The following ROBO2 variants were observed in gnomAD, a reference collection of about 807,000 sequenced individuals.
ROBO2 encodes the protein roundabout homolog 2.
ROBO2 carries 53 observed loss-of-function variants against 160.8 expected under a neutral mutation model. The observed-to-expected ratio is 0.33, with a 90% CI of 0.26 to 0.41. ROBO2 has a LOEUF of 0.41. ROBO2 is among the 10% of genes least tolerant of loss of function. The probability of loss-of-function intolerance (pLI) is 1.00; values close to 1 mark genes in which losing one functional copy is unlikely to be tolerated. For missense variants in ROBO2, 1,577 were observed against 1,722.4 expected (o/e 0.92, Z 1.49); for synonymous variants, 664 against 611.7 (o/e 1.09, Z -1.26).
intron 2 of ROBO2, among the ~76,000 whole-genome samples, chr3:76,313,516 G>A (rs1051926057): frequency 1.3e-5 from 2 of 152,136 alleles, no homozygotes; most frequent in African/African-American, 4.8e-5. Context: ...TACACATGAG[G>A]TGGGATGGGG....
chr3:77,587,191 C>A (rs994651955), intron 16 of ROBO2, among the ~76,000 whole-genome samples: 1 of 152,070 alleles, frequency 6.6e-6, no homozygotes, highest in African/African-American at 2.4e-5. Flanking sequence ...AGCTTAACAT[C>A]CTCCAACAGA....
At chr3:76,023,213 G>C (rs644257) in intron 2 of ROBO2, among the ~76,000 whole-genome samples, 118,711 of 151,588 alleles carry the variant, frequency 0.78, 47,102 homozygotes, top group South Asian at 0.9. Flanking sequence ...AGCGACAAGT[G>C]TGTTTTACAT....
chr3:76,581,467 T>G (rs2085694662), intron 2 of ROBO2, among the ~76,000 whole-genome samples: 1 of 151,864 alleles, frequency 6.6e-6, no homozygotes, highest in Admixed American at 6.6e-5. Flanking sequence ...CGAGATGTTG[T>G]CTCTAAACAA....
intron 2 of ROBO2, among the ~76,000 whole-genome samples, chr3:77,330,503 G>A (rs1274886929): frequency 6.6e-6 from 1 of 152,170 alleles, no homozygotes; most frequent in Non-Finnish European, 1.5e-5. Flanking sequence ...GGGCAACAGA[G>A]TGATTTATTT....
chr3:77,093,119 G>A (rs1292936503), intron 1 of ROBO2, among the ~76,000 whole-genome samples: 1 of 151,866 alleles, frequency 6.6e-6, no homozygotes, highest in Non-Finnish European at 1.5e-5. Flanking sequence ...AAAAACTGAT[G>A]TGAGCAGTGC....
intron 1 of ROBO2, among the ~76,000 whole-genome samples, chr3:75,919,207 G>T (rs1003142061): frequency 6.6e-6 from 1 of 152,114 alleles, no homozygotes; most frequent in African/African-American, 2.4e-5. Flanking sequence ...TTTGAGATAT[G>T]TTCCATCAAT....
intron 2 of ROBO2, among the ~76,000 whole-genome samples, chr3:76,883,826 A>G: frequency 6.6e-6 from 1 of 152,208 alleles, no homozygotes; most frequent in East Asian, 1.9e-4. Context: ...CTCTCAATAT[A>G]TCATGAGAGA....
intron 2 of ROBO2, among the ~76,000 whole-genome samples, chr3:75,991,955 G>T (rs550069889): frequency 2.6e-5 from 4 of 152,318 alleles, no homozygotes; most frequent in African/African-American, 9.6e-5. Context: ...TTGAACTTCA[G>T]AGAAATGATT....
chr3:76,554,750 T>A (rs932126743), intron 2 of ROBO2, among the ~76,000 whole-genome samples: 2 of 152,172 alleles, frequency 1.3e-5, no homozygotes, highest in Admixed American at 1.3e-4. Flanking sequence ...AATTTTATTT[T>A]AAAATGAGCA....
chr3:76,358,091 A>G (rs372327636), intron 2 of ROBO2, among the ~76,000 whole-genome samples: 254 of 152,072 alleles, frequency 1.7e-3, no homozygotes, highest in Middle Eastern at 0.014. Flanking sequence ...GTCTTATGTC[A>G]AAGCCCCCCG....
At chr3:76,588,489 AAT>A (rs2086203690) in intron 2 of ROBO2, among the ~76,000 whole-genome samples, 1 of 152,224 alleles carries the variant, frequency 6.6e-6, no homozygotes. Flanking sequence ...TAAAATTTAA[AAT>A]GTGTATAAAG....
rs1306305555 is a variant in ROBO2, at chr3:76,049,401, A to ATTTTTT, written c.109+111800_109+111801insTTTTTT. ...AATTTTAGTATATATATATATATATATATTTTTTTTTTTTTTTTTTTTTGT... is the reference window on the plus strand; with the variant it reads ...AATTTTAGTATATATATATATATATATTTTTTTATTTTTTTTTTTTTTTTTTTTTGT... On this transcript the variant is annotated intron_variant, in intron 2 of 26. Transcript: ENST00000487694. 1.6e-3 allele frequency among the ~76,000 whole-genome samples: 99 copies of ATTTTTT among 63,684 alleles called. 1 individual carries two copies. The highest frequency in any genetic ancestry group is 5.3e-3 in the African/African-American group (46 of 8,750). 41.8% of individuals were successfully genotyped at this position (63,684 alleles called of 152,430 possible). A position where few individuals can be genotyped will look rare whatever the true frequency, so the allele number is the denominator to read the frequency against.
intron 2 of ROBO2, among the ~76,000 whole-genome samples, chr3:76,274,794 G>A (rs1040490590): frequency 7.4e-5 from 11 of 148,366 alleles, no homozygotes; most frequent in African/African-American, 2.8e-4. Flanking sequence ...CTGAGATTGT[G>A]CCACTGCACT....
At chr3:76,422,023 C>A (rs1040786052) in intron 2 of ROBO2, among the ~76,000 whole-genome samples, 1 of 152,100 alleles carries the variant, frequency 6.6e-6, no homozygotes, top group Non-Finnish European at 1.5e-5. Context: ...ATCGTAGGTT[C>A]TTAGTAACTT....
At chr3:77,356,846 T>C (rs1298772726) in intron 2 of ROBO2, among the ~76,000 whole-genome samples, 1 of 152,174 alleles carries the variant, frequency 6.6e-6, no homozygotes, top group Non-Finnish European at 1.5e-5. Context: ...GATTGAAATA[T>C]GTGGACATAT....
intron 5 of ROBO2, among the ~76,000 whole-genome samples, chr3:77,500,987 T>G (rs2087514639): frequency 6.6e-6 from 1 of 152,180 alleles, no homozygotes; most frequent in Admixed American, 6.5e-5. Flanking sequence ...CTTGTGTGTG[T>G]GGGCAGAGCC....
At chr3:76,073,119 T>C (rs1394706031) in intron 2 of ROBO2, among the ~76,000 whole-genome samples, 2 of 152,146 alleles carry the variant, frequency 1.3e-5, no homozygotes, top group African/African-American at 4.8e-5. Flanking sequence ...TCTTGTATCG[T>C]GGCTGAAATT....
chr3:76,007,696 T>A (rs1208892951), intron 2 of ROBO2, among the ~76,000 whole-genome samples: 2 of 152,138 alleles, frequency 1.3e-5, no homozygotes, highest in Non-Finnish European at 2.9e-5. Flanking sequence ...CATGAGTAAC[T>A]AAAAATGAGC....
intron 2 of ROBO2, among the ~76,000 whole-genome samples, chr3:76,974,474 GA>G (rs1182350376): frequency 6.6e-6 from 1 of 152,158 alleles, no homozygotes; most frequent in African/African-American, 2.4e-5. Flanking sequence ...TGCAGATGAG[GA>G]AAGCAACTCG....
Sources: allele counts gnomAD v4.1 joint callset (sites outside exome capture counted in the v4.1 genomes callset), GRCh38; gene constraint gnomAD v4.1.1; transcripts MANE v1.5; gene names NCBI Gene and HGNC (gene_info 2026-07-23, HGNC 2026-07-21).